LAMA5: variants seen among roughly 807,000 people sequenced by gnomAD.
The protein encoded by LAMA5 is laminin subunit alpha-5.
Under a neutral mutation model 433.4 loss-of-function variants are expected in LAMA5, and 260 were observed. The observed-to-expected ratio is 0.60, with a 90% CI of 0.54 to 0.66. LAMA5 has a LOEUF of 0.66. Among genes scored for constraint, LAMA5 ranks in the 30% least tolerant of loss-of-function variants. The pLI is 0.00. For synonymous variants in LAMA5, 2,620 were observed against 2,226.6 expected, an observed-to-expected ratio of 1.18 and a Z score of -4.97; for missense variants, 5,378 against 5,258.5, an observed-to-expected ratio of 1.02 and a Z score of -0.70.
chr20:62,322,085 T>C lies in LAMA5; in HGVS notation c.6430A>G (p.Thr2144Ala), dbSNP rs1309824317. 6.2e-7 allele frequency: 1 copy of C among 1,601,134 alleles called. No homozygotes were observed. Among genetic ancestry groups the C allele is most frequent in the African/African-American group, 1.3e-5 (1 of 74,744 alleles). ...PPGLSGERCDTCSQQHQVPVP... is the reference protein window; with the variant it reads ...PPGLSGERCDACSQQHQVPVP... Reference sequence around the variant, plus strand: ...GGCACCTGATGCTGCTGGCTGCAGGTGTCGCAGCGCTCCCCGCTGAGCCCC... The same window carrying C: ...GGCACCTGATGCTGCTGGCTGCAGGCGTCGCAGCGCTCCCCGCTGAGCCCC... The change falls in exon 48 of 80, where the codon ACC becomes GCC. Residue 2144 changes from threonine (T) to alanine (A), a missense_variant. Physicochemically the swap from Thr to Ala is moderately conservative, Grantham distance 58. Coordinates refer to ENST00000252999, the MANE Select transcript of LAMA5 (RefSeq NM_005560.6).
chr20:62,321,161 G>GC (rs1477568157), intron 48 of LAMA5, among the ~76,000 whole-genome samples: 1 of 141,570 alleles, frequency 7.1e-6, no homozygotes, highest in Non-Finnish European at 1.5e-5. Context: ...CAGTGAAGGG[G>GC]CGGGGCCGGT....
chr20:62,309,625 A>AGGGGTG (rs1985934997), intron 79 of LAMA5, 91 bp downstream of exon 79: 1 of 370,332 alleles, frequency 2.7e-6, no homozygotes, highest in Non-Finnish European at 4.2e-6. Flanking sequence ...GGGAGGGGGC[A>AGGGGTG]GGGGGTGGAG....
Position 62,331,068 on chromosome 20 carries a change from C to G in LAMA5, c.3614G>C (p.Ser1205Thr). The change falls in exon 29 of 80, where the codon AGC (serine) becomes ACC (threonine). Residue 1205 changes from serine to threonine, a missense_variant. Transcript: ENST00000252999. ...AAAGGCGCCGTGGCTGCTGATGCAG[C>G]TGACCCGGGGCTCCACGAACTCCGG... ...FSPEFVEPRV[S>T]CISSHGAFGP... 6.2e-7 allele frequency: 1 copy of G among 1,604,078 alleles called. No homozygotes were observed.
At chr20:62,326,466 G>C in intron 40 of LAMA5, 1 of 544,534 alleles carries the variant, frequency 1.8e-6, no homozygotes, top group Non-Finnish European at 3.3e-6. Flanking sequence ...TCACAAAGCA[G>C]GTGGGAAGAC....
In LAMA5 at chr20:62,330,753, C is replaced by CGCAGCAGGGTGGGCTCT. The variant is rs1980222123; in HGVS notation, c.3825_3841dup (p.Arg1281GlnfsTer80). The CGCAGCAGGGTGGGCTCT allele has an allele frequency of 2.6e-6, 4 of 1,560,710 alleles. No homozygotes were observed. The highest frequency in any genetic ancestry group is 2.4e-5 in the East Asian group (1 of 41,764). ...GACTATGGCCCTCACCTGGGGCTCA[C>CGCAGCAGGGTGGGCTCT]GCAGCAGGGTGGGCTCTGCATCAGG... On this transcript the variant is annotated frameshift_variant, in exon 30 of 80. Transcript: ENST00000252999. LOFTEE classifies it high-confidence loss of function.
chr20:62,322,769 G>A lies in LAMA5; in HGVS notation c.6065-11C>T. ...GGGTACAGTCGCACCCTGCAGAAGG[G>A]GTCCGTGACTGCAGCCCTGGGCCCT... On this transcript the variant is annotated splice_polypyrimidine_tract_variant and intron_variant, in intron 45 of 79. Coordinates refer to ENST00000252999, the MANE Select transcript of LAMA5 (RefSeq NM_005560.6). 6.9e-7 allele frequency: 1 copy of A among 1,454,878 alleles called. No homozygotes were observed. Among genetic ancestry groups the A allele is most frequent in the Non-Finnish European group, 9.1e-7 (1 of 1,099,234 alleles). 90.1% of individuals were successfully genotyped at this position (1,454,878 alleles called of 1,614,324 possible).
intron 10 of LAMA5, 25 bp from the exon 11 acceptor site, chr20:62,345,902 G>T: frequency 1.9e-6 from 3 of 1,557,372 alleles, no homozygotes; most frequent in Non-Finnish European, 1.7e-6. Context: ...CACGCATGTT[G>T]GCCAGGTCTG....
intron 3 of LAMA5, among the ~76,000 whole-genome samples, chr20:62,352,742 G>A (rs1395823957): frequency 6.6e-6 from 1 of 152,184 alleles, no homozygotes; most frequent in Non-Finnish European, 1.5e-5. Flanking sequence ...GACTGGTCAG[G>A]GTGGCACGGG....
chr20:62,331,654 C>G (rs908386037), intron 28 of LAMA5, among the ~76,000 whole-genome samples: 6 of 152,250 alleles, frequency 3.9e-5, no homozygotes, highest in Admixed American at 2.6e-4. Context: ...TGGGTGCTCC[C>G]TTTCCGTGCG....
rs776480390 is a variant in LAMA5 at position 62,333,255 on chromosome 20, C to T, written c.3129-12G>A. 15 of 1,554,494 alleles carry T rather than the reference C, an allele frequency of 9.6e-6. No individual in the cohort carries two copies. In the East Asian group the frequency reaches 3.2e-4, roughly 33 times the overall value. ...TGTAGAGGAGGCAGCTGGGGGGACA[C>T]AGGCCGTGGTCAGCCCCAGGTCCAC... On this transcript the variant is annotated splice_polypyrimidine_tract_variant and intron_variant, in intron 25 of 79. Transcript: ENST00000252999.
Position 62,338,603 on chromosome 20 carries a change from C to A in LAMA5, c.1483G>T (p.Asp495Tyr). Residue 495 changes from aspartate (D) to tyrosine (Y), a missense_variant, in exon 12 of 80, where the codon GAC becomes TAC. By Grantham distance (160) the Asp-to-Tyr change is radical (BLOSUM62 -3). Coordinates refer to ENST00000252999, the MANE Select transcript of LAMA5 (RefSeq NM_005560.6). ...VLPAGQIVNC[D>Y]CSAAGTQGNA... ...CCCTGGGTCCCTGCCGCGCTGCAGT[C>A]ACAATCTGGAGGGTGGGGACAGGCA... 6.2e-7 allele frequency: 1 copy of A among 1,609,262 alleles called. No homozygotes were observed. Among genetic ancestry groups the A allele is most frequent in the African/African-American group, 1.3e-5 (1 of 75,044 alleles).
rs754293100 is a variant in LAMA5, at chr20:62,314,598, T to C, written c.8324A>G (p.Gln2775Arg). Residue 2775 changes from glutamine to arginine, a missense_variant, in exon 61 of 80, where the codon CAG becomes CGG. By Grantham distance (43) the Gln-to-Arg change is conservative. Transcript: ENST00000252999. ...CATCACAAAGCGATCCTCGGTACCC[T>C]GCCCAGGCTCAGGCTCTGGGCCCTG... ...YLQGPEPEPG[Q>R]GTEDRFVMYM... 7 of 1,612,090 alleles carry C rather than the reference T, an allele frequency of 4.3e-6. No homozygotes were observed. In the African/African-American group the frequency reaches 6.7e-5, roughly 15 times the overall value.
rs1233016812 is a variant in LAMA5, at chr20:62,318,540, G to A, written c.7153C>T (p.Arg2385Ter). Residue 2385 changes from arginine (R) to a stop codon, truncating the protein, a stop_gained, in exon 53 of 80, where the codon CGA becomes TGA. Coordinates refer to ENST00000252999, the MANE Select transcript of LAMA5 (RefSeq NM_005560.6). LOFTEE classifies it high-confidence loss of function. ...AQHEAGLMDL[R>*]EALNRAVDAT... ...TCCACTGCCCGGTTCAAAGCCTCTC[G>A]CAGGTCCATGAGGCCGGCCTCGTGC... 6 of 1,609,992 alleles carry A rather than the reference G, an allele frequency of 3.7e-6. No homozygotes were observed. Among genetic ancestry groups the A allele is most frequent in the East Asian group, 2.2e-5 (1 of 44,762 alleles).
intron 6 of LAMA5, among the ~76,000 whole-genome samples, chr20:62,348,141 C>G (rs975084038): frequency 2.0e-5 from 3 of 152,210 alleles, no homozygotes; most frequent in Admixed American, 2.0e-4. Flanking sequence ...AGCAAAAGCT[C>G]TCCCAAAACC....
At chr20:62,326,375 T>C (rs1979297211) in intron 40 of LAMA5, 1 of 307,956 alleles carries the variant, frequency 3.2e-6, no homozygotes, top group Non-Finnish European at 6.0e-6. Context: ...CAAAGAGAAA[T>C]GGGCAAAAGA....
Position 62,324,782 on chromosome 20 carries a change from G to A in LAMA5, c.5530-228C>T, listed in dbSNP as rs1047182641. The stretch of plus-strand genomic sequence containing the variant: ...GAGGACATAGCTCTCAAAGCCACAC[G>A]GATGTCCTGTCTCGGGAATGACCAG... On this transcript the variant is annotated intron_variant, in intron 41 of 79. Transcript: ENST00000252999. This position sits in a 1 kb window ranked among gnomAD's most constrained non-coding sequence, Gnocchi z 4.4. 6.2e-5 allele frequency: 34 copies of A among 548,794 alleles called. No homozygotes were observed. Among genetic ancestry groups the A allele is most frequent in the African/African-American group, 2.3e-4 (12 of 52,768 alleles). 34.0% of individuals were successfully genotyped at this position (548,794 alleles called of 1,614,324 possible).
In LAMA5 at chr20:62,314,626, G is replaced by C; in HGVS notation, c.8296C>G (p.Leu2766Val). 1 of 1,612,620 alleles carries C rather than the reference G, an allele frequency of 6.2e-7. No individual in the cohort carries two copies. The change falls in exon 61 of 80, where the codon CTG (leucine) becomes GTG (valine). Residue 2766 changes from leucine (L) to valine (V), a missense_variant. Transcript: ENST00000252999. ...CCAGGCTCAGGCTCTGGGCCCTGCA[G>C]GTAGAACTTGAGGGCAGTGTAGGCA... ...LAAYTALKFY[L>V]QGPEPEPGQG...
chr20:62,349,873 T>C (rs1984029472), intron 6 of LAMA5, among the ~76,000 whole-genome samples: 1 of 60,034 alleles, frequency 1.7e-5, no homozygotes, highest in Admixed American at 2.0e-4. Context: ...GGGGTGATGG[T>C]TTGGGTGGGA....
chr20:62,311,427 T>TAGGCCCC lies in LAMA5; in HGVS notation c.9909_9915dup (p.Arg3306GlyfsTer3). 6.3e-7 allele frequency: 1 copy of TAGGCCCC among 1,589,752 alleles called. No individual in the cohort carries two copies. The highest frequency in any genetic ancestry group is 8.6e-7 in the Non-Finnish European group (1 of 1,168,084). On this transcript the variant is annotated frameshift_variant, in exon 72 of 80. Transcript: ENST00000252999. LOFTEE classifies it high-confidence loss of function. ...TTCCGGGCGGTGGCCTGCAGTCCTC[T>TAGGCCCC]AGGCCCCAGGCCCGGGGTCTGGGCT...
Sources: gnomAD v4.1 joint callset for allele counts (sites outside exome capture counted in the v4.1 genomes callset) on GRCh38, gnomAD v4.1.1 for gene constraint, Gnocchi (gnomAD v3.1) non-coding constraint, MANE v1.5 for transcripts, NCBI Gene and HGNC (gene_info 2026-07-23, HGNC 2026-07-21) for gene names.